Variants in CDC37L1 observed in about 807,000 individuals in gnomAD.
The protein encoded by CDC37L1 is hsp90 co-chaperone Cdc37-like 1.
Under a neutral mutation model 45.9 loss-of-function variants are expected in CDC37L1, and 32 were observed. The observed-to-expected ratio is 0.70, with a 90% CI of 0.53 to 0.94. CDC37L1 has a LOEUF of 0.94. CDC37L1 is among the 40% of genes least tolerant of loss of function. CDC37L1 has a pLI of 0.00. For synonymous variants in CDC37L1, 150 were observed against 133.0 expected (o/e 1.13, Z -0.88); for missense variants, 434 against 405.7 (o/e 1.07, Z -0.60).
intron 6 of CDC37L1, among the ~76,000 whole-genome samples, chr9:4,705,079 C>T (rs531671416): frequency 6.6e-6 from 1 of 152,262 alleles, no homozygotes; most frequent in Non-Finnish European, 1.5e-5. Context: ...AAGTGTTGTA[C>T]TTTCTTAGGA....
At chr9:4,703,515 C>G (rs374849137) in intron 6 of CDC37L1, among the ~76,000 whole-genome samples, 4 of 152,270 alleles carry the variant, frequency 2.6e-5, no homozygotes, top group African/African-American at 9.6e-5. Context: ...TGATTTTTCT[C>G]TTCAGTTCCT....
chr9:4,702,732 C>T (rs988581094), intron 6 of CDC37L1, among the ~76,000 whole-genome samples: 1 of 149,800 alleles, frequency 6.7e-6, no homozygotes. Flanking sequence ...AAAAAAAATA[C>T]AAAAAAATTA....
At chr9:4,685,641 G>A (rs775501508) in intron 2 of CDC37L1, among the ~76,000 whole-genome samples, 1 of 152,084 alleles carries the variant, frequency 6.6e-6, no homozygotes, top group Non-Finnish European at 1.5e-5. Flanking sequence ...CCTGACTCTG[G>A]GATTGAGAGA....
intron 1 of CDC37L1, 127 bp from the exon 2 acceptor site, chr9:4,684,750 C>A: frequency 4.8e-6 from 3 of 626,412 alleles, no homozygotes; most frequent in South Asian, 2.1e-5. Flanking sequence ...TGACTGCAGA[C>A]CTAGAACACA....
At chr9:4,705,334 G>A (rs1330505991) in intron 6 of CDC37L1, among the ~76,000 whole-genome samples, 1 of 152,066 alleles carries the variant, frequency 6.6e-6, no homozygotes, top group Non-Finnish European at 1.5e-5. Context: ...TATTCATGGT[G>A]CTTTAATAAT....
At chr9:4,689,450 T>A (rs1841281496) in intron 3 of CDC37L1, among the ~76,000 whole-genome samples, 1 of 152,164 alleles carries the variant, frequency 6.6e-6, no homozygotes, top group Admixed American at 6.5e-5. Flanking sequence ...TTACCCAACG[T>A]TTTTTGAATT....
chr9:4,692,975 C>G (rs1032227669), intron 3 of CDC37L1, among the ~76,000 whole-genome samples: 1 of 152,070 alleles, frequency 6.6e-6, no homozygotes, highest in East Asian at 1.9e-4. Flanking sequence ...GATGGGTTTA[C>G]GTGCAGGCAT....
intron 1 of CDC37L1, among the ~76,000 whole-genome samples, chr9:4,682,294 C>G (rs1238886561): frequency 6.9e-6 from 1 of 145,124 alleles, no homozygotes; most frequent in Non-Finnish European, 1.5e-5. Context: ...TCCTGAGTAG[C>G]TGGGATTACA....
intron 2 of CDC37L1, among the ~76,000 whole-genome samples, chr9:4,687,690 A>C (rs1404449836): frequency 6.6e-6 from 1 of 150,784 alleles, no homozygotes; most frequent in Non-Finnish European, 1.5e-5. Context: ...AAAAAAAAAA[A>C]AAAAAAAAAA....
At chr9:4,687,365 C>G (rs1418107847) in intron 2 of CDC37L1, among the ~76,000 whole-genome samples, 1 of 152,054 alleles carries the variant, frequency 6.6e-6, no homozygotes, top group Non-Finnish European at 1.5e-5. Context: ...TGTTTGGTCT[C>G]TTCTAAGAAG....
chr9:4,680,630 A>AT (rs542089835), intron 1 of CDC37L1, among the ~76,000 whole-genome samples: 176 of 151,798 alleles, frequency 1.2e-3, no homozygotes, highest in African/African-American at 4.1e-3. Context: ...ACTATTAAGG[A>AT]TTTTTCAGGG....
chr9:4,702,296 C>T (rs16921872), intron 6 of CDC37L1, among the ~76,000 whole-genome samples: 2,260 of 152,240 alleles, frequency 0.015, 47 homozygotes, highest in African/African-American at 0.052. Flanking sequence ...AGCTATTGAT[C>T]ATCTCAATCA....
At chr9:4,682,329 A>ATTTTT (rs1313029477) in intron 1 of CDC37L1, among the ~76,000 whole-genome samples, 1,051 of 92,828 alleles carry the variant, frequency 0.011, 120 homozygotes, top group African/African-American at 0.054. Flanking sequence ...TGCCCAGCTA[A>ATTTTT]TTTTTTTTTT....
intron 1 of CDC37L1, among the ~76,000 whole-genome samples, chr9:4,683,539 A>G (rs1447560822): frequency 1.3e-5 from 2 of 152,152 alleles, no homozygotes; most frequent in African/African-American, 4.8e-5. Context: ...AGAATAAGCA[A>G]ACAAGTAGAA....
intron 5 of CDC37L1, 40 bp downstream of exon 5, chr9:4,697,919 TC>T (rs1422417226): frequency 6.2e-7 from 1 of 1,604,162 alleles, no homozygotes; most frequent in Admixed American, 1.7e-5. Flanking sequence ...GAAGATTTGG[TC>T]CCAGCTGAGA....
At chr9:4,697,271 T>C (rs1841356406) in intron 4 of CDC37L1, 60 bp downstream of exon 4, 2 of 792,882 alleles carry the variant, frequency 2.5e-6, no homozygotes, top group African/African-American at 1.7e-5. Context: ...TTTCATACTT[T>C]ATTGATGTTT....
At chr9:4,691,593 G>A (rs1307828652) in intron 3 of CDC37L1, among the ~76,000 whole-genome samples, 5 of 151,952 alleles carry the variant, frequency 3.3e-5, no homozygotes, top group Non-Finnish European at 7.4e-5. Flanking sequence ...TGTGGGGGCT[G>A]TATAGGGCTA....
chr9:4,699,917 G>A (rs909989506), intron 5 of CDC37L1, among the ~76,000 whole-genome samples: 30 of 151,936 alleles, frequency 2.0e-4, no homozygotes, highest in Admixed American at 7.9e-4. Flanking sequence ...CTTGTGTGGT[G>A]AAATTATAAA....
At chr9:4,704,393 A>C (rs745567013) in intron 6 of CDC37L1, among the ~76,000 whole-genome samples, 2 of 152,220 alleles carry the variant, frequency 1.3e-5, no homozygotes, top group Non-Finnish European at 2.9e-5. Flanking sequence ...CTAGATGAAA[A>C]TATGGGACAG....
Sources: allele counts gnomAD v4.1 joint callset (sites outside exome capture counted in the v4.1 genomes callset), GRCh38; gene constraint gnomAD v4.1.1; transcripts MANE v1.5; gene names NCBI Gene and HGNC (gene_info 2026-07-23, HGNC 2026-07-21).